Variants in VTI1A observed in about 807,000 individuals in gnomAD.
VTI1A encodes vesicle transport through interaction with t-SNAREs homolog 1A.
A neutral mutation model predicts 34.9 loss-of-function variants in VTI1A; 22 were observed. The observed-to-expected ratio is 0.63, with a 90% CI of 0.45 to 0.90. The LOEUF is 0.90. Ranked by LOEUF, VTI1A falls within the 40% of genes least tolerant of loss-of-function variation. The pLI is 0.00. For missense variants in VTI1A, 268 were observed against 275.6 expected (o/e 0.97, Z 0.20); for synonymous variants, 87 against 97.3 (o/e 0.89, Z 0.62).
rs1849897389 is a variant in VTI1A at position 112,518,670 on chromosome 10, C to CACAT, written c.265-8414_265-8413insTACA. On this transcript the variant is annotated intron_variant, in intron 3 of 7. Coordinates refer to ENST00000393077, the MANE Select transcript of VTI1A (RefSeq NM_145206.4). ...ATACGTGTATATATATATATATATA[C>CACAT]ACACACACACACATAACTTTTTAAA... Among the ~76,000 whole-genome samples, 4 of 118,720 alleles carry CACAT rather than the reference C, an allele frequency of 3.4e-5. No individual in the cohort carries two copies. In the South Asian group the frequency reaches 1.1e-3, roughly 34 times the overall value. The allele number at this position is 118,720 out of a possible 152,430, so 77.9% of individuals were successfully genotyped here.
chr10:112,447,607 T>G, intron 1 of VTI1A, 140 bp downstream of exon 1: 1 of 984,944 alleles, frequency 1.0e-6, no homozygotes, highest in Non-Finnish European at 1.5e-6. Context: ...GGGATACGGC[T>G]TGGCTTGGTT....
In VTI1A at chr10:112,548,541, A is replaced by G. The variant is rs1851223421; in HGVS notation, c.427+10211A>G. 3 of 663,740 alleles carry G rather than the reference A, an allele frequency of 4.5e-6. No individual in the cohort carries two copies. In the Admixed American group the frequency reaches 7.3e-5, roughly 16 times the overall value. The allele number at this position is 663,740 out of a possible 1,614,324, so 41.1% of individuals were successfully genotyped here. A position where few individuals can be genotyped will look rare whatever the true frequency, so the allele number is the denominator to read the frequency against. On this transcript the variant is annotated intron_variant, in intron 5 of 7. Transcript: ENST00000393077. ...TACTAAACTTAAATGGCCAATTGAA[A>G]CAAACAGTTCTGAGACCATTCTTCC... is the stretch of plus-strand genomic sequence containing the variant.
At chr10:112,537,760 T>A (rs1438341621) in intron 4 of VTI1A, among the ~76,000 whole-genome samples, 1 of 152,192 alleles carries the variant, frequency 6.6e-6, no homozygotes, top group Non-Finnish European at 1.5e-5. Context: ...CTATATAGCA[T>A]CTTGCTGCAC....
chr10:112,586,387 G>A (rs577403340), intron 5 of VTI1A, among the ~76,000 whole-genome samples: 12 of 152,264 alleles, frequency 7.9e-5, no homozygotes, highest in African/African-American at 1.9e-4. Context: ...ATTATGGTGC[G>A]AAGTGGGCGT....
intron 7 of VTI1A, among the ~76,000 whole-genome samples, chr10:112,806,447 G>A (rs186568066): frequency 9.1e-4 from 138 of 151,964 alleles, no homozygotes; most frequent in African/African-American, 2.9e-3. Flanking sequence ...CACCACACCC[G>A]GCTAATTTTT....
chr10:112,456,891 A>G (rs1847549092), intron 1 of VTI1A, among the ~76,000 whole-genome samples: 2 of 152,180 alleles, frequency 1.3e-5, no homozygotes, highest in African/African-American at 4.8e-5. Context: ...TGGTATCCTG[A>G]GCTACTCCTC....
At chr10:112,567,720 A>G (rs1440639326) in intron 5 of VTI1A, among the ~76,000 whole-genome samples, 2 of 152,208 alleles carry the variant, frequency 1.3e-5, no homozygotes, top group Non-Finnish European at 2.9e-5. Context: ...ACTGCGTGGT[A>G]TGATTTGGAG....
chr10:112,554,771 G>T (rs1851486182), intron 5 of VTI1A, among the ~76,000 whole-genome samples: 1 of 152,004 alleles, frequency 6.6e-6, no homozygotes, highest in African/African-American at 2.4e-5. Flanking sequence ...AAGAATATTT[G>T]CCTCTTCTTT....
intron 7 of VTI1A, among the ~76,000 whole-genome samples, chr10:112,747,601 C>T (rs1377718426): frequency 3.3e-5 from 5 of 152,140 alleles, no homozygotes; most frequent in Non-Finnish European, 7.4e-5. Flanking sequence ...GTTTTGTTTT[C>T]TCTTGGGGTG....
intron 3 of VTI1A, among the ~76,000 whole-genome samples, chr10:112,514,417 T>C (rs1041676108): frequency 1.5e-4 from 23 of 151,838 alleles, no homozygotes; most frequent in African/African-American, 5.3e-4. Context: ...TAGCTAGGGT[T>C]GTTTATTTTG....
intron 7 of VTI1A, among the ~76,000 whole-genome samples, chr10:112,724,805 A>G (rs1391847576): frequency 6.6e-6 from 1 of 151,996 alleles, no homozygotes; most frequent in Admixed American, 6.6e-5. Context: ...AAAAAGAAAA[A>G]AAAACAAAAA....
chr10:112,749,365 G>A (rs1420934171), intron 7 of VTI1A, among the ~76,000 whole-genome samples: 1 of 152,162 alleles, frequency 6.6e-6, no homozygotes, highest in Non-Finnish European at 1.5e-5. Context: ...ATGAGGGTAG[G>A]GGGTGGAAAA....
intron 7 of VTI1A, among the ~76,000 whole-genome samples, chr10:112,801,540 GT>G (rs1852877370): frequency 6.6e-6 from 1 of 152,136 alleles, no homozygotes; most frequent in East Asian, 1.9e-4. Flanking sequence ...AGTCTAGCTA[GT>G]TCTTCCATCT....
rs1185504838 is a variant in VTI1A, at chr10:112,523,447, C to G, written c.265-3640C>G. ...ATTTGTCATATTTTTTTCTATAGTT[C>G]ATATACGATCTGTAGATTTTCTTTC... On this transcript the variant is annotated intron_variant, in intron 3 of 7. Coordinates refer to ENST00000393077, the MANE Select transcript of VTI1A (RefSeq NM_145206.4). Among the ~76,000 whole-genome samples the G allele has an allele frequency of 2.6e-5, 4 of 151,952 alleles. No individual in the cohort carries two copies. The East Asian group carries it at 7.7e-4, about 29-fold the overall frequency.
chr10:112,812,044 T>C (rs1178942819), intron 7 of VTI1A, among the ~76,000 whole-genome samples: 1 of 152,258 alleles, frequency 6.6e-6, no homozygotes, highest in African/African-American at 2.4e-5. Flanking sequence ...TGATTCATAA[T>C]GTAAACTTGG....
chr10:112,781,184 G>T (rs117755859), intron 7 of VTI1A, among the ~76,000 whole-genome samples: 2,295 of 152,036 alleles, frequency 0.015, 27 homozygotes, highest in Non-Finnish European at 0.022. Flanking sequence ...AGCTCAGGCA[G>T]TCTACCCGCC....
At chr10:112,482,191 G>C (rs375196563) in intron 3 of VTI1A, among the ~76,000 whole-genome samples, 25 of 152,138 alleles carry the variant, frequency 1.6e-4, no homozygotes, top group African/African-American at 5.8e-4. Context: ...TATTTTCTCA[G>C]TTTTTTAACA....
intron 5 of VTI1A, among the ~76,000 whole-genome samples, chr10:112,645,214 A>G (rs1231336477): frequency 3.3e-5 from 5 of 152,258 alleles, no homozygotes; most frequent in Non-Finnish European, 5.9e-5. Flanking sequence ...TGATAGCTCA[A>G]TATGTACCCA....
At chr10:112,733,855 A>C (rs1440347330) in intron 7 of VTI1A, among the ~76,000 whole-genome samples, 1 of 151,856 alleles carries the variant, frequency 6.6e-6, no homozygotes, top group East Asian at 1.9e-4. Flanking sequence ...TCCTGGGTTC[A>C]AGTGATTCTC....
Sources: allele counts gnomAD v4.1 joint callset (sites outside exome capture counted in the v4.1 genomes callset), GRCh38; gene constraint gnomAD v4.1.1; transcripts MANE v1.5; gene names NCBI Gene and HGNC (gene_info 2026-07-23, HGNC 2026-07-21).